The following ZNF487 variants were observed in gnomAD, a reference collection of about 807,000 sequenced individuals.
ZNF487 encodes the protein KRAB domain only 1.
In ZNF487, 4 loss-of-function variants were observed where a neutral mutation model predicts 3.0. The observed-to-expected ratio is 1.35, with a 90% CI of 0.66 to 3.08. The LOEUF (loss-of-function observed/expected upper bound fraction) is 3.08. Ranked by LOEUF, ZNF487 falls within the 30% of genes most tolerant of loss-of-function variation. The probability of loss-of-function intolerance (pLI) is 0.01; values close to 1 mark genes in which losing one functional copy is unlikely to be tolerated. For missense variants in ZNF487, 146 were observed against 98.7 expected (o/e 1.48, Z -2.03); for synonymous variants, 55 against 34.6 (o/e 1.59, Z -2.06).
chr10:43,459,276 C>T (rs1328851931), intron 1 of ZNF487, among the ~76,000 whole-genome samples: 1 of 152,062 alleles, frequency 6.6e-6, no homozygotes, highest in African/African-American at 2.4e-5. Flanking sequence ...GTCTCCCAGG[C>T]TAGAGTGCAG....
At chr10:43,460,619 C>T (rs1305419411) in intron 1 of ZNF487, among the ~76,000 whole-genome samples, 5 of 141,854 alleles carry the variant, frequency 3.5e-5, no homozygotes, top group African/African-American at 1.5e-4. Context: ...TCAGATGCCA[C>T]CCGCCTCAGC....
At chr10:43,478,937 C>T (rs1472061623) in intron 3 of ZNF487, among the ~76,000 whole-genome samples, 5 of 147,234 alleles carry the variant, frequency 3.4e-5, no homozygotes, top group Non-Finnish European at 6.0e-5. Context: ...GATGGAGTCT[C>T]GCTTTGTCTT....
At chr10:43,446,807 G>T (rs189904038) in intron 1 of ZNF487, among the ~76,000 whole-genome samples, 2 of 152,320 alleles carry the variant, frequency 1.3e-5, no homozygotes, top group Admixed American at 1.3e-4. Context: ...CTGGGAAGAG[G>T]CTGCAATCTC....
At chr10:43,437,109 C>G, upstream of ZNF487, 1 of 303,496 alleles carries the variant, frequency 3.3e-6, no homozygotes, top group Non-Finnish European at 6.5e-6. Flanking sequence ...GCGGCCCCGC[C>G]CAGGGAGCGC....
the ZNF487 span, among the ~76,000 whole-genome samples, chr10:43,493,687 C>CAAAAAAAAAA: frequency 8.9e-4 from 12 of 13,440 alleles, no homozygotes; most frequent in East Asian, 2.4e-3. Flanking sequence ...GACCCTTCCT[C>CAAAAAAAAAA]AAAAAAAGAA....
downstream of ZNF487, among the ~76,000 whole-genome samples, chr10:43,487,244 A>G (rs1253787402): frequency 6.7e-6 from 1 of 149,624 alleles, no homozygotes; most frequent in East Asian, 2.0e-4. Flanking sequence ...GGATCAAGCG[A>G]TTCTCCTGCC....
chr10:43,459,450 G>A (rs1840338938), intron 1 of ZNF487, among the ~76,000 whole-genome samples: 2 of 151,910 alleles, frequency 1.3e-5, no homozygotes, highest in Non-Finnish European at 2.9e-5. Flanking sequence ...GGCTGGTCTC[G>A]AACTCCTGAC....
At chr10:43,467,327 C>T (rs898572878) in intron 1 of ZNF487, among the ~76,000 whole-genome samples, 4 of 151,924 alleles carry the variant, frequency 2.6e-5, no homozygotes, top group Non-Finnish European at 4.4e-5. Flanking sequence ...GCCTCAGCCT[C>T]CCGACTAGCT....
chr10:43,463,341 C>G (rs1840503879), intron 1 of ZNF487, among the ~76,000 whole-genome samples: 2 of 151,988 alleles, frequency 1.3e-5, no homozygotes, highest in South Asian at 4.2e-4. Flanking sequence ...AGTTTGAGAC[C>G]AGCCTGGCCA....
downstream of ZNF487, among the ~76,000 whole-genome samples, chr10:43,484,982 A>G (rs1841459418): frequency 6.6e-6 from 1 of 152,226 alleles, no homozygotes; most frequent in Non-Finnish European, 1.5e-5. Context: ...TCTAAGCTCA[A>G]CACAATCTGG....
At chr10:43,452,997 T>G (rs929204410) in intron 1 of ZNF487, 1 of 151,870 alleles carries the variant, frequency 6.6e-6, no homozygotes, top group Admixed American at 6.6e-5. Flanking sequence ...TGTAGTCGAC[T>G]GGTGATTTTA....
chr10:43,457,370 A>G (rs921358834), intron 1 of ZNF487, among the ~76,000 whole-genome samples: 2 of 151,550 alleles, frequency 1.3e-5, no homozygotes, highest in African/African-American at 4.8e-5. Flanking sequence ...AGCCTGGCCA[A>G]CATAGTGAAA....
At chr10:43,502,770 C>T in the ZNF487 span, among the ~76,000 whole-genome samples, 4 of 152,258 alleles carry the variant, frequency 2.6e-5, no homozygotes, top group African/African-American at 9.6e-5. Context: ...GTGGCTCATG[C>T]CTGTAATACC....
intron 1 of ZNF487, among the ~76,000 whole-genome samples, chr10:43,448,436 C>A (rs907201502): frequency 6.6e-6 from 1 of 151,972 alleles, no homozygotes; most frequent in Non-Finnish European, 1.5e-5. Context: ...TTATTGAATT[C>A]TAATAATAAA....
At chr10:43,496,034 G>A in the ZNF487 span, 1 of 533,888 alleles carries the variant, frequency 1.9e-6, no homozygotes, top group African/African-American at 1.9e-5. Flanking sequence ...GTCGCTCAAG[G>A]ACGTGACTGT....
chr10:43,442,557 C>T (rs190570410), intron 1 of ZNF487, among the ~76,000 whole-genome samples: 44 of 152,254 alleles, frequency 2.9e-4, no homozygotes, highest in African/African-American at 1.0e-3. Context: ...GATTCTCCTT[C>T]CTCAGCCTCC....
the ZNF487 span, among the ~76,000 whole-genome samples, chr10:43,517,585 T>C: frequency 6.6e-6 from 1 of 152,196 alleles, no homozygotes. Flanking sequence ...CTGTACATCA[T>C]TAGAGCAGCA....
intron 1 of ZNF487, among the ~76,000 whole-genome samples, chr10:43,462,738 G>T (rs1840476230): frequency 6.6e-6 from 1 of 151,144 alleles, no homozygotes; most frequent in East Asian, 2.0e-4. Flanking sequence ...ACAGGCATGA[G>T]CCACTGCATC....
chr10:43,470,926 C>G (rs1173698112), intron 1 of ZNF487, among the ~76,000 whole-genome samples: 1 of 151,928 alleles, frequency 6.6e-6, no homozygotes, highest in Non-Finnish European at 1.5e-5. Flanking sequence ...CTCAGGTGTT[C>G]AAGTGATCCT....
Sources: gnomAD v4.1 joint callset for allele counts (sites outside exome capture counted in the v4.1 genomes callset) on GRCh38, gnomAD v4.1.1 for gene constraint, MANE v1.5 for transcripts, NCBI Gene and HGNC (gene_info 2026-07-23, HGNC 2026-07-21) for gene names.